CLNK: variants seen among roughly 807,000 people sequenced by gnomAD.
CLNK encodes cytokine-dependent hematopoietic cell linker.
CLNK carries 74 observed loss-of-function variants against 68.6 expected under a neutral mutation model. The observed-to-expected ratio is 1.08, with a 90% confidence interval of 0.89 to 1.31. CLNK has a LOEUF of 1.31. Among genes scored for constraint, CLNK ranks in the 50% most tolerant of loss-of-function variants. The pLI is 0.00. For synonymous variants in CLNK, 198 were observed against 172.2 expected, an observed-to-expected ratio of 1.15 and a Z score of -1.17; for missense variants, 553 against 515.3, an observed-to-expected ratio of 1.07 and a Z score of -0.71.
intron 2 of CLNK, among the ~76,000 whole-genome samples, chr4:10,611,287 C>T (rs1370858588): frequency 6.6e-6 from 1 of 152,168 alleles, no homozygotes; most frequent in African/African-American, 2.4e-5. Flanking sequence ...TACTGCACTC[C>T]AGCCTGGTGA....
At chr4:10,557,634 T>G (rs1719729372) in intron 8 of CLNK, among the ~76,000 whole-genome samples, 1 of 152,232 alleles carries the variant, frequency 6.6e-6, no homozygotes, top group Admixed American at 6.5e-5. Context: ...TGGTAAGTAG[T>G]TTCTTTGCCA....
chr4:10,562,275 T>C (rs1000325439), intron 7 of CLNK, among the ~76,000 whole-genome samples: 4 of 152,000 alleles, frequency 2.6e-5, no homozygotes, highest in African/African-American at 9.7e-5. Context: ...ACTACAACAG[T>C]GATGGATTTT....
intron 5 of CLNK, among the ~76,000 whole-genome samples, chr4:10,568,559 G>A (rs181070641): frequency 6.6e-6 from 1 of 152,320 alleles, no homozygotes; most frequent in East Asian, 1.9e-4. Flanking sequence ...GGAAGTCAGA[G>A]AAAGGAAGTA....
the CLNK span, among the ~76,000 whole-genome samples, chr4:10,711,427 A>G: frequency 0.3 from 45,418 of 152,118 alleles, 6,961 homozygotes; most frequent in African/African-American, 0.33. Context: ...ATAGCTGCCA[A>G]ATAATTTTGA....
At chr4:10,524,354 G>A (rs1718214959) in intron 14 of CLNK, among the ~76,000 whole-genome samples, 1 of 151,824 alleles carries the variant, frequency 6.6e-6, no homozygotes, top group Non-Finnish European at 1.5e-5. Flanking sequence ...GAGAGTGAAT[G>A]TTCGTTGGGC....
At chr4:10,610,537 A>G (rs1721974496) in intron 2 of CLNK, among the ~76,000 whole-genome samples, 1 of 152,126 alleles carries the variant, frequency 6.6e-6, no homozygotes, top group Admixed American at 6.6e-5. Flanking sequence ...AAATGAACCT[A>G]GACAAAGAGA....
the CLNK span, among the ~76,000 whole-genome samples, chr4:10,726,355 G>A: frequency 4.9e-3 from 740 of 152,242 alleles, 4 homozygotes; most frequent in African/African-American, 0.012. Flanking sequence ...TCTTGACCTC[G>A]TGATTCACCC....
At chr4:10,626,082 G>A (rs535270874) in intron 2 of CLNK, among the ~76,000 whole-genome samples, 1 of 152,362 alleles carries the variant, frequency 6.6e-6, no homozygotes, top group Admixed American at 6.5e-5. Context: ...TGGGGGTGGT[G>A]CTGGCTTCAA....
At chr4:10,498,446 C>G (rs147428615) in intron 18 of CLNK, among the ~76,000 whole-genome samples, 1 of 152,092 alleles carries the variant, frequency 6.6e-6, no homozygotes, top group Non-Finnish European at 1.5e-5. Flanking sequence ...GAGCCGAGAT[C>G]GCGCCACTGC....
intron 2 of CLNK, among the ~76,000 whole-genome samples, chr4:10,619,303 A>G (rs956349827): frequency 6.6e-6 from 1 of 152,204 alleles, no homozygotes; most frequent in African/African-American, 2.4e-5. Context: ...TAGGAAAATA[A>G]ACTCACTCTG....
intron 2 of CLNK, among the ~76,000 whole-genome samples, chr4:10,662,832 T>C (rs1457689317): frequency 6.6e-6 from 1 of 152,250 alleles, no homozygotes; most frequent in Non-Finnish European, 1.5e-5. Flanking sequence ...AATTTGTATA[T>C]TTTCTAAAAT....
At chr4:10,665,822 T>C (rs1486689456) in intron 2 of CLNK, among the ~76,000 whole-genome samples, 1 of 152,190 alleles carries the variant, frequency 6.6e-6, no homozygotes, top group Admixed American at 6.5e-5. Flanking sequence ...TAAAGGCTGC[T>C]GCCCTGGACT....
At chr4:10,520,348 A>G (rs904880329) in intron 15 of CLNK, among the ~76,000 whole-genome samples, 3 of 152,162 alleles carry the variant, frequency 2.0e-5, no homozygotes, top group Admixed American at 6.5e-5. Context: ...TTTGCACCCA[A>G]TGGATTGGGA....
chr4:10,666,225 TG>T (rs770060364), intron 2 of CLNK, among the ~76,000 whole-genome samples: 3 of 152,220 alleles, frequency 2.0e-5, no homozygotes, highest in Non-Finnish European at 4.4e-5. Context: ...GAACTATCAG[TG>T]AATAGATTCC....
At chr4:10,716,095 T>C in the CLNK span, among the ~76,000 whole-genome samples, 2 of 152,230 alleles carry the variant, frequency 1.3e-5, no homozygotes, top group African/African-American at 4.8e-5. Flanking sequence ...TGCCACAGAA[T>C]TGAGGTTTCA....
chr4:10,613,922 A>G (rs1374255522), intron 2 of CLNK, among the ~76,000 whole-genome samples: 1 of 152,102 alleles, frequency 6.6e-6, no homozygotes, highest in Non-Finnish European at 1.5e-5. Context: ...TCACCTGGAG[A>G]ATGTGCTTAA....
the CLNK span, among the ~76,000 whole-genome samples, chr4:10,689,983 C>T: frequency 4.6e-5 from 7 of 152,078 alleles, no homozygotes; most frequent in South Asian, 2.1e-4. Context: ...TGTTTCACAA[C>T]GTGCTAAAAC....
intron 15 of CLNK, among the ~76,000 whole-genome samples, chr4:10,516,315 A>G (rs1717834328): frequency 6.6e-6 from 1 of 152,224 alleles, no homozygotes; most frequent in South Asian, 2.1e-4. Flanking sequence ...AAACATAACC[A>G]AAGTTACAGT....
At chr4:10,666,834 C>T (rs1183628738) in intron 2 of CLNK, among the ~76,000 whole-genome samples, 1 of 152,188 alleles carries the variant, frequency 6.6e-6, no homozygotes, top group Admixed American at 6.5e-5. Flanking sequence ...ATGGGCTTGG[C>T]TGTGAGTCAG....
Sources: gnomAD v4.1 joint callset for allele counts (sites outside exome capture counted in the v4.1 genomes callset) on GRCh38, gnomAD v4.1.1 for gene constraint, MANE v1.5 for transcripts, NCBI Gene and HGNC (gene_info 2026-07-23, HGNC 2026-07-21) for gene names.